Variants in STOX2 observed in about 807,000 individuals in gnomAD.
STOX2 encodes the protein storkhead box 2.
In STOX2, 28 loss-of-function variants were observed where a neutral mutation model predicts 60.9. The ratio of observed to expected loss-of-function variants is 0.46; its 90% confidence interval spans 0.34 to 0.63. The LOEUF (loss-of-function observed/expected upper bound fraction) is 0.63, where lower values mean the gene tolerates loss of function less well. Among genes scored for constraint, STOX2 ranks in the 30% least tolerant of loss-of-function variants. STOX2 has a pLI of 0.01. For synonymous variants in STOX2, 472 were observed against 463.9 expected, an observed-to-expected ratio of 1.02 and a Z score of -0.22; for missense variants, 1,024 against 1,187.7, an observed-to-expected ratio of 0.86 and a Z score of 2.03.
intron 1 of STOX2, among the ~76,000 whole-genome samples, chr4:183,915,682 A>G (rs749774453): frequency 6.6e-6 from 1 of 152,226 alleles, no homozygotes; most frequent in Non-Finnish European, 1.5e-5. Flanking sequence ...ACACAGACAC[A>G]GGGGAGAATA....
chr4:184,006,160 G>T (rs1476331849), intron 2 of STOX2, among the ~76,000 whole-genome samples: 1 of 152,156 alleles, frequency 6.6e-6, no homozygotes, highest in East Asian at 1.9e-4. Context: ...TTGCTTTATA[G>T]TAATAGCTAT....
In STOX2 at chr4:184,021,926, A is replaced by AT; in HGVS notation, c.*4643dup. ...GGCCCAAGCAGGAGCAATCTCTTCT[A>AT]TCCCCCATCTCCCCCAGGACCATCC... is the stretch of plus-strand genomic sequence containing the variant. On this transcript the variant is annotated 3_prime_UTR_variant, in exon 4 of 4. Transcript: ENST00000308497. The AT allele has an allele frequency of 6.6e-6, 1 of 152,590 alleles. No individual in the cohort carries two copies. The highest frequency in any genetic ancestry group is 1.9e-4 in the East Asian group (1 of 5,204). The allele number at this position is 152,590 out of a possible 1,614,324, so 9.5% of individuals were successfully genotyped here. A position where few individuals can be genotyped will look rare whatever the true frequency, so the allele number is the denominator to read the frequency against.
intron 1 of STOX2, among the ~76,000 whole-genome samples, chr4:183,802,763 A>T (rs920428655): frequency 6.6e-6 from 1 of 152,088 alleles, no homozygotes; most frequent in Admixed American, 6.6e-5. Flanking sequence ...TTGGGACTAC[A>T]GGCGCCTGCC....
At chr4:183,956,171 A>G (rs892344695) in intron 1 of STOX2, among the ~76,000 whole-genome samples, 2 of 152,334 alleles carry the variant, frequency 1.3e-5, no homozygotes, top group Non-Finnish European at 2.9e-5. Context: ...TTTGCAAACA[A>G]TAGTTCTGCT....
Position 183,906,708 on chromosome 4 carries a change from G to C in STOX2, c.-83G>C. On this transcript the variant is annotated 5_prime_UTR_variant, in exon 1 of 4. Coordinates refer to ENST00000308497, the MANE Select transcript of STOX2 (RefSeq NM_020225.3). Reference sequence around the variant, plus strand: ...TGTGCGCAGAGTCCGCCCGGGTCGTGCCCGCCGTAGACGGATGAAGGAGCG... The same window carrying C: ...TGTGCGCAGAGTCCGCCCGGGTCGTCCCCGCCGTAGACGGATGAAGGAGCG... 7.3e-7 allele frequency: 1 copy of C among 1,375,854 alleles called. No individual in the cohort carries two copies. The highest frequency in any genetic ancestry group is 9.6e-7 in the Non-Finnish European group (1 of 1,041,070). The allele number at this position is 1,375,854 out of a possible 1,614,324, so 85.2% of individuals were successfully genotyped here. A position where few individuals can be genotyped will look rare whatever the true frequency, so the allele number is the denominator to read the frequency against.
chr4:183,812,656 C>T (rs1367090199), intron 1 of STOX2, among the ~76,000 whole-genome samples: 2 of 152,050 alleles, frequency 1.3e-5, no homozygotes, highest in South Asian at 4.1e-4. Flanking sequence ...ATCTGTACTG[C>T]CCAGTCTAAG....
At chr4:183,843,576 GC>G (rs1739919349) in intron 1 of STOX2, among the ~76,000 whole-genome samples, 1 of 152,186 alleles carries the variant, frequency 6.6e-6, no homozygotes, top group Non-Finnish European at 1.5e-5. Context: ...TGCTGCCGTG[GC>G]ACAAAAGCAG....
chr4:183,893,982 C>G lies in STOX2; in HGVS notation c.364+95927C>G, dbSNP rs563800682. On this transcript the variant is annotated intron_variant, in intron 1 of 2. Transcript: ENST00000513034. ...GCTCGGGCAACATGGTGAAACCCCA[C>G]CTCTGCTAAAAATACAAAAATTAGC... is the stretch of plus-strand genomic sequence containing the variant. 3.9e-5 allele frequency among the ~76,000 whole-genome samples: 6 copies of G among 152,268 alleles called. No individual in the cohort carries two copies. In the South Asian group the frequency reaches 6.2e-4, roughly 16 times the overall value.
At chr4:183,837,205 A>G (rs1283190180) in intron 1 of STOX2, among the ~76,000 whole-genome samples, 3 of 152,198 alleles carry the variant, frequency 2.0e-5, no homozygotes, top group Non-Finnish European at 4.4e-5. Flanking sequence ...AAAAATATAC[A>G]TAACCCTTCA....
At chr4:183,870,385 G>A (rs1394179530) in intron 1 of STOX2, among the ~76,000 whole-genome samples, 1 of 152,218 alleles carries the variant, frequency 6.6e-6, no homozygotes, top group African/African-American at 2.4e-5. Context: ...ATACAGTTTA[G>A]ATGACTATGG....
chr4:183,817,779 A>G (rs1739186135), intron 1 of STOX2, among the ~76,000 whole-genome samples: 1 of 152,190 alleles, frequency 6.6e-6, no homozygotes, highest in African/African-American at 2.4e-5. Flanking sequence ...GATGGTATTG[A>G]AAAGAGAACT....
In STOX2 at chr4:184,010,596, C is replaced by T. The variant is rs748013023; in HGVS notation, c.1758C>T (p.Gly586=). 1.3e-5 allele frequency: 21 copies of T among 1,613,852 alleles called. No individual in the cohort carries two copies. Among genetic ancestry groups the T allele is most frequent in the Admixed American group, 3.3e-5 (2 of 60,008 alleles). Residue 586 remains glycine, a synonymous_variant, in exon 3 of 4, where the codon GGC becomes GGT. Transcript: ENST00000308497. This position sits in a 1 kb window ranked among gnomAD's most constrained non-coding sequence, Gnocchi z 4.5. ...CACCCGAGAGTTTGCCATCCTATGG[C>T]GAACTCAACTCTTGTCCAACAAAAA... ...GKPPESLPSY[G]ELNSCPTKTA...
chr4:183,933,319 CCTGT>C (rs759901499), intron 1 of STOX2, among the ~76,000 whole-genome samples: 4 of 152,194 alleles, frequency 2.6e-5, no homozygotes, highest in Non-Finnish European at 5.9e-5. Context: ...TTTTCCTAAG[CCTGT>C]CTAGTTCTTA....
At chr4:183,886,754 C>T (rs1276634320) in intron 1 of STOX2, among the ~76,000 whole-genome samples, 2 of 152,066 alleles carry the variant, frequency 1.3e-5, no homozygotes, top group African/African-American at 2.4e-5. Context: ...ACAGCCATTC[C>T]CCAAGCACAG....
At chr4:183,798,522 C>A in intron 1 of STOX2, 1 of 708,412 alleles carries the variant, frequency 1.4e-6, no homozygotes, top group Non-Finnish European at 1.7e-6. Context: ...CCGGGACGCC[C>A]TTCCCTGGGC....
At chr4:183,954,478 C>T (rs192707713) in intron 1 of STOX2, among the ~76,000 whole-genome samples, 2 of 151,780 alleles carry the variant, frequency 1.3e-5, no homozygotes, top group African/African-American at 4.8e-5. Flanking sequence ...TTAGTAGAGA[C>T]GGGGTTTCAC....
intron 1 of STOX2, among the ~76,000 whole-genome samples, chr4:183,891,381 T>TGATGGA (rs1208147993): frequency 1.7e-5 from 2 of 118,626 alleles, no homozygotes; most frequent in African/African-American, 7.5e-5. Flanking sequence ...TATATATATA[T>TGATGGA]ATATATATAT....
chr4:183,892,318 G>T (rs1428828228), intron 1 of STOX2, among the ~76,000 whole-genome samples: 8 of 152,134 alleles, frequency 5.3e-5, no homozygotes, highest in Admixed American at 4.6e-4. Flanking sequence ...TCGCTCTGTC[G>T]CCCAGGCTGG....
intron 1 of STOX2, among the ~76,000 whole-genome samples, chr4:183,949,214 T>C (rs900148878): frequency 5.9e-5 from 9 of 152,156 alleles, no homozygotes; most frequent in Non-Finnish European, 1.3e-4. Flanking sequence ...AGAGGAGATC[T>C]CAGAAATGAT....
Sources: allele counts gnomAD v4.1 joint callset (sites outside exome capture counted in the v4.1 genomes callset), GRCh38; gene constraint gnomAD v4.1.1; non-coding constraint Gnocchi (gnomAD v3.1); transcripts MANE v1.5; gene names NCBI Gene and HGNC (gene_info 2026-07-23, HGNC 2026-07-21).